BRINP3: variants seen among roughly 807,000 people sequenced by gnomAD.
BRINP3 encodes the protein BMP/retinoic acid-inducible neural-specific protein 3.
A neutral mutation model predicts 71.0 loss-of-function variants in BRINP3; 19 were observed. The ratio of observed to expected loss-of-function variants is 0.27; its 90% CI spans 0.19 to 0.39. The LOEUF is 0.39. Ranked by LOEUF, BRINP3 falls within the 10% of genes least tolerant of loss-of-function variation. The pLI is 1.00. For synonymous variants in BRINP3, 380 were observed against 337.7 expected (o/e 1.13, Z -1.37); for missense variants, 959 against 940.8 (o/e 1.02, Z -0.25).
At chr1:190,169,426 A>T (rs945062457) in intron 6 of BRINP3, among the ~76,000 whole-genome samples, 1 of 152,046 alleles carries the variant, frequency 6.6e-6, no homozygotes, top group East Asian at 1.9e-4. Context: ...TGCTATTGTG[A>T]TTTGAGGCTT....
Position 190,160,809 on chromosome 1 carries a change from T to A in BRINP3, c.1043A>T (p.Asp348Val), listed in dbSNP as rs1345066143. 2.5e-5 allele frequency: 40 copies of A among 1,613,550 alleles called. No individual in the cohort carries two copies. The highest frequency in any genetic ancestry group is 3.3e-5 in the Non-Finnish European group (39 of 1,179,736). Reference protein sequence around the residue: ...TSTIMHLWTMDSNFQRRYEQL... With the variant: ...TSTIMHLWTMVSNFQRRYEQL... ...TTCATAACGGCGCTGAAAATTAGAA[T>A]CCATTGTCCACAAATGCATTATAGT... The change falls in exon 7 of 8, where the codon GAT becomes GTT. Residue 348 changes from aspartate to valine, a missense_variant. Physicochemically the swap from Asp to Val is radical, Grantham distance 152. Transcript: ENST00000367462.
At chr1:190,157,037 C>T (rs1355678772) in intron 7 of BRINP3, among the ~76,000 whole-genome samples, 1 of 151,802 alleles carries the variant, frequency 6.6e-6, no homozygotes, top group Non-Finnish European at 1.5e-5. Context: ...TGTTTTTTCA[C>T]TCACCTCACA....
At chr1:190,447,130 T>A (rs1284410625) in intron 2 of BRINP3, among the ~76,000 whole-genome samples, 2 of 151,680 alleles carry the variant, frequency 1.3e-5, no homozygotes, top group Admixed American at 1.3e-4. Context: ...TTTGTGAATA[T>A]GTAAAATGGA....
At chr1:190,393,125 T>G (rs1452655487) in intron 2 of BRINP3, among the ~76,000 whole-genome samples, 1 of 151,640 alleles carries the variant, frequency 6.6e-6, no homozygotes, top group Non-Finnish European at 1.5e-5. Context: ...AATATTTGCT[T>G]GAATGATAAC....
intron 2 of BRINP3, among the ~76,000 whole-genome samples, chr1:190,380,622 C>A (rs1182064905): frequency 6.6e-6 from 1 of 152,038 alleles, no homozygotes; most frequent in Non-Finnish European, 1.5e-5. Context: ...AAATGAAGGA[C>A]ATTAGATCCA....
At position 190,301,182 on chromosome 1, in the gene BRINP3, T is replaced by TATGTATATATATAC. The variant is rs1553283680; in HGVS notation, c.237-19433_237-19432insGTATATATATACAT. Among the ~76,000 whole-genome samples the TATGTATATATATAC allele has an allele frequency of 1.7e-3, 198 of 114,880 alleles. 3 individuals are homozygous for TATGTATATATATAC. The highest frequency in any genetic ancestry group is 4.7e-3 in the Middle Eastern group (1 of 212). The allele number at this position is 114,880 out of a possible 152,430, so 75.4% of individuals were successfully genotyped here. On this transcript the variant is annotated intron_variant, in intron 2 of 7. Coordinates refer to ENST00000367462, the MANE Select transcript of BRINP3 (RefSeq NM_199051.3). The stretch of plus-strand genomic sequence containing the variant: ...ATATATATACATATATATACATATA[T>TATGTATATATATAC]ATATGTATATATATACACATACATA...
At chr1:190,301,230 TATATAC>T (rs1664710050) in intron 2 of BRINP3, among the ~76,000 whole-genome samples, 5 of 134,246 alleles carry the variant, frequency 3.7e-5, no homozygotes, top group Admixed American at 7.6e-5. Context: ...TATATATATA[TATATAC>T]ACACATACAT....
At chr1:190,255,360 A>G (rs1418829209) in intron 4 of BRINP3, among the ~76,000 whole-genome samples, 1 of 151,720 alleles carries the variant, frequency 6.6e-6, no homozygotes, top group Non-Finnish European at 1.5e-5. Flanking sequence ...AAGGAATGGT[A>G]CCAGCTCTTC....
intron 6 of BRINP3, among the ~76,000 whole-genome samples, chr1:190,191,224 C>A (rs1243027454): frequency 6.6e-6 from 1 of 152,120 alleles, no homozygotes; most frequent in Non-Finnish European, 1.5e-5. Context: ...ACTTTAAAAA[C>A]CCCATTTCCA....
intron 2 of BRINP3, among the ~76,000 whole-genome samples, chr1:190,357,523 C>A (rs760105137): frequency 6.6e-6 from 1 of 151,758 alleles, no homozygotes; most frequent in Non-Finnish European, 1.5e-5. Context: ...TAATAATATC[C>A]AAATACAAGA....
intron 2 of BRINP3, among the ~76,000 whole-genome samples, chr1:190,387,193 A>C (rs1670967548): frequency 6.6e-6 from 1 of 152,022 alleles, no homozygotes. Context: ...TTAAAGGCTA[A>C]ATCAGCTGAA....
chr1:190,357,169 G>A (rs574250753), intron 2 of BRINP3, among the ~76,000 whole-genome samples: 141 of 152,062 alleles, frequency 9.3e-4, no homozygotes, highest in Non-Finnish European at 1.8e-3. Context: ...GTAACTATAA[G>A]TTTTTTCAGA....
chr1:190,302,030 A>C (rs879884270), intron 2 of BRINP3, among the ~76,000 whole-genome samples: 1 of 151,410 alleles, frequency 6.6e-6, no homozygotes, highest in Admixed American at 6.6e-5. Flanking sequence ...TTAAAAGCAA[A>C]ACTGGGAGAA....
rs1346746592 is a variant in BRINP3 at position 190,200,387 on chromosome 1, T to C, written c.961+25695A>G. On this transcript the variant is annotated intron_variant, in intron 6 of 7. Transcript: ENST00000367462. ...GAATGGGAATAGAACATATAGAACA[T>C]GAACCAATAGATCTTAGAGACCATA... Among the ~76,000 whole-genome samples, 3 of 152,114 alleles carry C rather than the reference T, an allele frequency of 2.0e-5. No individual in the cohort carries two copies. The East Asian group carries it at 5.8e-4, about 29-fold the overall frequency.
intron 2 of BRINP3, among the ~76,000 whole-genome samples, chr1:190,315,458 T>C (rs1665818462): frequency 6.6e-6 from 1 of 152,130 alleles, no homozygotes; most frequent in Admixed American, 6.6e-5. Flanking sequence ...AGACAACTAA[T>C]TTCCTCACAG....
intron 6 of BRINP3, among the ~76,000 whole-genome samples, chr1:190,190,844 A>T (rs1300497916): frequency 1.3e-5 from 2 of 152,080 alleles, no homozygotes; most frequent in Admixed American, 1.3e-4. Context: ...CCACTAAAAT[A>T]TATTTTTTCT....
chr1:190,263,322 C>G (rs1339122103), intron 4 of BRINP3, among the ~76,000 whole-genome samples: 3 of 152,084 alleles, frequency 2.0e-5, no homozygotes, highest in Non-Finnish European at 4.4e-5. Context: ...TATTTATATA[C>G]TTGTTACTCA....
At chr1:190,331,206 A>G (rs1666940978) in intron 2 of BRINP3, among the ~76,000 whole-genome samples, 1 of 152,022 alleles carries the variant, frequency 6.6e-6, no homozygotes, top group African/African-American at 2.4e-5. Flanking sequence ...TCTATAGCCT[A>G]TTAAGTTTTG....
At chr1:190,173,910 C>T (rs1276404258) in intron 6 of BRINP3, among the ~76,000 whole-genome samples, 1 of 152,106 alleles carries the variant, frequency 6.6e-6, no homozygotes, top group African/African-American at 2.4e-5. Flanking sequence ...CAATTTTCCA[C>T]AGTATTACAC....
Sources: allele counts gnomAD v4.1 joint callset (sites outside exome capture counted in the v4.1 genomes callset), GRCh38; gene constraint gnomAD v4.1.1; transcripts MANE v1.5; gene names NCBI Gene and HGNC (gene_info 2026-07-23, HGNC 2026-07-21).